The following TLN1 variants were observed in gnomAD, a reference collection of about 807,000 sequenced individuals.
TLN1 encodes the protein talin-1.
In TLN1, 56 loss-of-function variants were observed where a neutral mutation model predicts 292.3. The ratio of observed to expected loss-of-function variants is 0.19; its 90% CI spans 0.15 to 0.24. The LOEUF is 0.24. Among genes scored for constraint, TLN1 ranks in the 10% least tolerant of loss-of-function variants. The probability of loss-of-function intolerance (pLI) is 1.00; values close to 1 mark genes in which losing one functional copy is unlikely to be tolerated. For synonymous variants in TLN1, 1,119 were observed against 1,253.7 expected (o/e 0.89, Z 2.27); for missense variants, 2,433 against 3,248.2 (o/e 0.75, Z 6.10).
Position 35,699,735 on chromosome 9 carries a change from G to T in TLN1, c.6768+239C>A. The stretch of plus-strand genomic sequence containing the variant: ...CGAAAGTAGAGAAGGGGGTGGTCAG[G>T]TGGGAAGGGAGGAGAAAAGAAAAAG... On this transcript the variant is annotated intron_variant, in intron 50 of 56. Coordinates refer to ENST00000314888, the MANE Select transcript of TLN1 (RefSeq NM_006289.4). The surrounding 1 kb of genome is among the most constrained non-coding windows in gnomAD (Gnocchi z 4.0). 1 of 971,674 alleles carries T rather than the reference G, an allele frequency of 1.0e-6. No homozygotes were observed. Among genetic ancestry groups the T allele is most frequent in the Non-Finnish European group, 1.2e-6 (1 of 817,420 alleles). 60.2% of individuals were successfully genotyped at this position (971,674 alleles called of 1,614,324 possible). A position where few individuals can be genotyped will look rare whatever the true frequency, so the allele number is the denominator to read the frequency against.
rs1380794024 is a variant in TLN1 at position 35,713,056 on chromosome 9, G to A, written c.3353-13C>T. The A allele has an allele frequency of 6.3e-7, 1 of 1,590,570 alleles. No homozygotes were observed. Among genetic ancestry groups the A allele is most frequent in the Non-Finnish European group, 8.6e-7 (1 of 1,164,494 alleles). On this transcript the variant is annotated splice_polypyrimidine_tract_variant and intron_variant, in intron 26 of 56. Transcript: ENST00000314888. Reference sequence around the variant, plus strand: ...CGAGCTGCAATACCTTGGGAGATGAGGAGAAAGAGGGAAGGGAAGGTGCTT... The same window carrying A: ...CGAGCTGCAATACCTTGGGAGATGAAGAGAAAGAGGGAAGGGAAGGTGCTT...
intron 1 of TLN1, among the ~76,000 whole-genome samples, chr9:35,728,022 C>A (rs10972567): frequency 0.38 from 58,111 of 151,962 alleles, 11,410 homozygotes; most frequent in East Asian, 0.55. Flanking sequence ...GAGAACTTTG[C>A]TCCCTTTTCC....
chr9:35,726,041 T>G (rs981744302), intron 1 of TLN1, among the ~76,000 whole-genome samples: 6 of 152,140 alleles, frequency 3.9e-5, no homozygotes, highest in African/African-American at 1.4e-4. Flanking sequence ...GCCTCCCCAG[T>G]AGCTGGGACT....
Position 35,720,134 on chromosome 9 carries a change from C to T in TLN1, c.1369G>A (p.Ala457Thr), listed in dbSNP as rs758633696. ...VALPAIMRSGASGPENFQVGS... is the reference protein window; with the variant it reads ...VALPAIMRSGTSGPENFQVGS... ...ACCTGGAAATTCTCAGGACCAGAGG[C>T]TCCAGAGCGCATGATGGCAGGCAGG... The change falls in exon 13 of 57, where the codon GCC becomes ACC. Residue 457 changes from alanine to threonine, a missense_variant. By Grantham distance (58) the Ala-to-Thr change is moderately conservative (BLOSUM62 0). This residue lies in a region of TLN1 where 617 missense variants were observed against 770.6 expected (regional missense o/e 0.80). Coordinates refer to ENST00000314888, the MANE Select transcript of TLN1 (RefSeq NM_006289.4). 1 of 1,612,546 alleles carries T rather than the reference C, an allele frequency of 6.2e-7. No individual in the cohort carries two copies. Among genetic ancestry groups the T allele is most frequent in the South Asian group, 1.1e-5 (1 of 90,868 alleles).
intron 21 of TLN1, 49 bp downstream of exon 21, chr9:35,715,010 C>T (rs1443791534): frequency 6.2e-7 from 1 of 1,612,146 alleles, no homozygotes; most frequent in Non-Finnish European, 8.5e-7. Context: ...TTCATTCCTC[C>T]CACAGCACCC....
chr9:35,710,604 G>A lies in TLN1; in HGVS notation c.4283C>T (p.Thr1428Ile). The A allele has an allele frequency of 1.9e-6, 3 of 1,614,108 alleles. No homozygotes were observed. The highest frequency in any genetic ancestry group is 2.5e-6 in the Non-Finnish European group (3 of 1,180,050). ...NLPEFGDAISTASKALCGFTE... is the reference protein window; with the variant it reads ...NLPEFGDAISIASKALCGFTE... ...GAAGCCACAAAGTGCCTTTGAGGCTGTGGAAATGGCATCTCCAAACTCTGG... is the reference window on the plus strand; with the variant it reads ...GAAGCCACAAAGTGCCTTTGAGGCTATGGAAATGGCATCTCCAAACTCTGG... Residue 1428 changes from threonine to isoleucine, a missense_variant, in exon 33 of 57, where the codon ACA (threonine) becomes ATA (isoleucine). By Grantham distance (89) the Thr-to-Ile change is moderately conservative. Transcript: ENST00000314888.
chr9:35,704,286 C>T lies in TLN1; in HGVS notation c.6047+46G>A, dbSNP rs369037877. The T allele has an allele frequency of 2.3e-4, 363 of 1,596,016 alleles. No individual in the cohort carries two copies. In the Admixed American group the frequency reaches 3.4e-3, roughly 15 times the overall value. On this transcript the variant is annotated intron_variant, in intron 45 of 56. Coordinates refer to ENST00000314888, the MANE Select transcript of TLN1 (RefSeq NM_006289.4). This position sits in a 1 kb window ranked among gnomAD's most constrained non-coding sequence, Gnocchi z 6.9. Reference sequence around the variant, plus strand: ...AATGCTATCCTGCCTCTTCCAGCCCCGTGCCCCGACCTGTCTGCCTCCCTT... The same window carrying T: ...AATGCTATCCTGCCTCTTCCAGCCCTGTGCCCCGACCTGTCTGCCTCCCTT...
chr9:35,725,397 G>C (rs1331189772), intron 2 of TLN1, 76 bp from the exon 3 acceptor site: 3 of 1,550,792 alleles, frequency 1.9e-6, no homozygotes, highest in East Asian at 2.3e-5. Context: ...TGTTGCCCCT[G>C]ACTATTTCTC....
At position 35,704,079 on chromosome 9, in the gene TLN1, G is replaced by A; in HGVS notation, c.6143C>T (p.Ala2048Val). The part of the protein sequence containing the change: ...AGSQEKLAQA[A>V]QSSVATITRL... ...GGTGATGGTCGCCACGGAGGACTGGGCAGCCTGCGCCAACTTCTCCTGGCT... is the reference window on the plus strand; with the variant it reads ...GGTGATGGTCGCCACGGAGGACTGGACAGCCTGCGCCAACTTCTCCTGGCT... The change falls in exon 46 of 57, where the codon GCC (alanine) becomes GTC (valine). Residue 2048 changes from alanine (A) to valine (V), a missense_variant. Physicochemically the swap from Ala to Val is moderately conservative, Grantham distance 64. This residue lies in a region of TLN1 where 1,384 missense variants were observed against 1,699.6 expected (regional missense o/e 0.81). Transcript: ENST00000314888. This position sits in a 1 kb window ranked among gnomAD's most constrained non-coding sequence, Gnocchi z 6.9. 1 of 1,613,740 alleles carries A rather than the reference G, an allele frequency of 6.2e-7. No individual in the cohort carries two copies. The highest frequency in any genetic ancestry group is 8.5e-7 in the Non-Finnish European group (1 of 1,179,946).
chr9:35,713,858 AAAGG>A, intron 25 of TLN1, 91 bp downstream of exon 25: 2 of 1,357,980 alleles, frequency 1.5e-6, no homozygotes, highest in Non-Finnish European at 2.0e-6. Context: ...GAAAAAAGAA[AAAGG>A]AAGGAAGGAA....
At position 35,707,293 on chromosome 9, in the gene TLN1, C is replaced by T. The variant is rs367865238; in HGVS notation, c.4774-40G>A. Reference sequence around the variant, plus strand: ...GGCAGGAAGGTAAGTCTCAGGAGTCCCTGGAAGATGAGGTGATAAGCTGGC... The same window carrying T: ...GGCAGGAAGGTAAGTCTCAGGAGTCTCTGGAAGATGAGGTGATAAGCTGGC... On this transcript the variant is annotated intron_variant, in intron 36 of 56. Transcript: ENST00000314888. This position sits in a 1 kb window ranked among gnomAD's most constrained non-coding sequence, Gnocchi z 5.6. 460 of 1,607,306 alleles carry T rather than the reference C, an allele frequency of 2.9e-4. 4 individuals carry two copies. The Middle Eastern group carries it at 5.5e-3, about 19-fold the overall frequency.
Position 35,697,574 on chromosome 9 carries a change from G to A in TLN1, c.*217C>T. 1.6e-6 allele frequency: 1 copy of A among 612,910 alleles called. No homozygotes were observed. The highest frequency in any genetic ancestry group is 2.8e-6 in the Non-Finnish European group (1 of 353,476). The allele number at this position is 612,910 out of a possible 1,614,324, so 38.0% of individuals were successfully genotyped here. A position where few individuals can be genotyped will look rare whatever the true frequency, so the allele number is the denominator to read the frequency against. On this transcript the variant is annotated 3_prime_UTR_variant, in exon 57 of 57. Coordinates refer to ENST00000314888, the MANE Select transcript of TLN1 (RefSeq NM_006289.4). ...CTTGGAGCGTTAATACTCTGGGGAGGGGCAGGCACTTGGGGGGCCCTAGGG... is the reference window on the plus strand; with the variant it reads ...CTTGGAGCGTTAATACTCTGGGGAGAGGCAGGCACTTGGGGGGCCCTAGGG...
Position 35,717,485 on chromosome 9 carries a change from G to A in TLN1, c.2164-45C>T. On this transcript the variant is annotated intron_variant, in intron 18 of 56. Transcript: ENST00000314888. The surrounding 1 kb of genome is among the most constrained non-coding windows in gnomAD (Gnocchi z 4.7). ...CAGAGACGTAGGCAAGGGAAAGGAG[G>A]TAGAGTATGCTGCTCATAGCAGTAA... is the stretch of plus-strand genomic sequence containing the variant. The A allele has an allele frequency of 6.3e-7, 1 of 1,595,412 alleles. No homozygotes were observed. Among genetic ancestry groups the A allele is most frequent in the Non-Finnish European group, 8.6e-7 (1 of 1,167,846 alleles).
chr9:35,721,382 A>G (rs1825876343), intron 10 of TLN1, among the ~76,000 whole-genome samples: 1 of 152,148 alleles, frequency 6.6e-6, no homozygotes, highest in African/African-American at 2.4e-5. Context: ...AGGTTATCAC[A>G]TTTTTCCTTT....
chr9:35,699,547 C>A lies in TLN1; in HGVS notation c.6769-86G>T, dbSNP rs1320131220. 2 of 1,494,124 alleles carry A rather than the reference C, an allele frequency of 1.3e-6. No homozygotes were observed. Among genetic ancestry groups the A allele is most frequent in the South Asian group, 2.7e-5 (2 of 74,838 alleles). The allele number at this position is 1,494,124 out of a possible 1,614,324, so 92.6% of individuals were successfully genotyped here. On this transcript the variant is annotated intron_variant, in intron 50 of 56. Coordinates refer to ENST00000314888, the MANE Select transcript of TLN1 (RefSeq NM_006289.4). This position sits in a 1 kb window ranked among gnomAD's most constrained non-coding sequence, Gnocchi z 4.0. ...GAAATAGGGCAGACCATGGCCCCCT[C>A]ACCCCTATCCCTAGAGCACTCCACA...
rs952434996 is a variant in TLN1, at chr9:35,732,005, G to C, written c.-34+70C>G. The C allele has an allele frequency of 1.3e-5, 2 of 152,658 alleles. No homozygotes were observed. Among genetic ancestry groups the C allele is most frequent in the Admixed American group, 6.6e-5 (1 of 15,256 alleles). 9.5% of individuals were successfully genotyped at this position (152,658 alleles called of 1,614,324 possible). A position where few individuals can be genotyped will look rare whatever the true frequency, so the allele number is the denominator to read the frequency against. On this transcript the variant is annotated intron_variant, in intron 1 of 56. Coordinates refer to ENST00000314888, the MANE Select transcript of TLN1 (RefSeq NM_006289.4). This position sits in a 1 kb window ranked among gnomAD's most constrained non-coding sequence, Gnocchi z 5.1. ...CGAACCGGACACGCAAGAGAGGCAG[G>C]GCCCGCCCGCCCCGGGGCCAGGCCC...
Position 35,714,694 on chromosome 9 carries a change from G to T in TLN1, c.2872-7C>A. On this transcript the variant is annotated splice_region_variant and splice_polypyrimidine_tract_variant and intron_variant, in intron 22 of 56. Transcript: ENST00000314888. This position sits in a 1 kb window ranked among gnomAD's most constrained non-coding sequence, Gnocchi z 4.6. Reference sequence around the variant, plus strand: ...GAATCTGCTCTGCCACTGCCTGTAGGTGAAAATGTCATAAGAGACCCACAA... The same window carrying T: ...GAATCTGCTCTGCCACTGCCTGTAGTTGAAAATGTCATAAGAGACCCACAA... 1.9e-6 allele frequency: 3 copies of T among 1,614,070 alleles called. No individual in the cohort carries two copies. Among genetic ancestry groups the T allele is most frequent in the Middle Eastern group, 1.6e-4 (1 of 6,062 alleles).
At position 35,717,798 on chromosome 9, in the gene TLN1, C is replaced by G. The variant is rs1242191457; in HGVS notation, c.1996-12G>C. On this transcript the variant is annotated splice_polypyrimidine_tract_variant and intron_variant, in intron 17 of 56. Coordinates refer to ENST00000314888, the MANE Select transcript of TLN1 (RefSeq NM_006289.4). The surrounding 1 kb of genome is among the most constrained non-coding windows in gnomAD (Gnocchi z 4.7). ...TGCATTAGCGCATCCTGTGAGAAAACAGCAGTTAGCATGACCTGAGATTGG... is the reference window on the plus strand; with the variant it reads ...TGCATTAGCGCATCCTGTGAGAAAAGAGCAGTTAGCATGACCTGAGATTGG... 6.3e-7 allele frequency: 1 copy of G among 1,588,514 alleles called. No individual in the cohort carries two copies. The highest frequency in any genetic ancestry group is 8.6e-7 in the Non-Finnish European group (1 of 1,160,974).
intron 33 of TLN1, among the ~76,000 whole-genome samples, chr9:35,708,744 G>A (rs1375651664): frequency 6.6e-6 from 1 of 152,160 alleles, no homozygotes; most frequent in African/African-American, 2.4e-5. Flanking sequence ...CATAGCAAGG[G>A]TTTTTATCCA....
Sources: gnomAD v4.1 joint callset for allele counts (sites outside exome capture counted in the v4.1 genomes callset) on GRCh38, gnomAD v4.1.1 for gene constraint, gnomAD v4.1.1 regional missense constraint, Gnocchi (gnomAD v3.1) non-coding constraint, MANE v1.5 for transcripts, NCBI Gene and HGNC (gene_info 2026-07-23, HGNC 2026-07-21) for gene names.